Variants in UNC5C observed in about 807,000 individuals in gnomAD.
UNC5C encodes netrin receptor UNC5C.
Under a neutral mutation model 99.8 loss-of-function variants are expected in UNC5C, and 47 were observed. The ratio of observed to expected loss-of-function variants is 0.47; its 90% confidence interval spans 0.37 to 0.60. UNC5C has a LOEUF of 0.60. UNC5C is among the 20% of genes least tolerant of loss of function. The probability of loss-of-function intolerance (pLI) is 0.00; values close to 1 mark genes in which losing one functional copy is unlikely to be tolerated. For missense variants in UNC5C, 1,062 were observed against 1,165.9 expected, an observed-to-expected ratio of 0.91 and a Z score of 1.30; for synonymous variants, 487 against 452.2, an observed-to-expected ratio of 1.08 and a Z score of -0.98.
intron 11 of UNC5C, among the ~76,000 whole-genome samples, chr4:95,206,157 C>T (rs553828135): frequency 1.7e-4 from 26 of 151,952 alleles, no homozygotes; most frequent in Admixed American, 1.4e-3. Flanking sequence ...CATGCCACTG[C>T]GCCCGGCTAA....
chr4:95,265,680 T>C (rs528568349), intron 4 of UNC5C, among the ~76,000 whole-genome samples: 4 of 152,326 alleles, frequency 2.6e-5, no homozygotes, highest in African/African-American at 7.2e-5. Context: ...ATTTGTGTCA[T>C]TATAATGAAC....
intron 1 of UNC5C, among the ~76,000 whole-genome samples, chr4:95,539,666 C>T (rs1329664028): frequency 3.3e-5 from 5 of 152,142 alleles, no homozygotes; most frequent in African/African-American, 1.2e-4. Flanking sequence ...CACTCACATA[C>T]AATTTGTGTA....
chr4:95,528,253 A>C (rs1722547019), intron 1 of UNC5C, among the ~76,000 whole-genome samples: 1 of 152,122 alleles, frequency 6.6e-6, no homozygotes, highest in African/African-American at 2.4e-5. Context: ...AACTTACCTG[A>C]AGAATTCTAG....
At chr4:95,238,710 C>T (rs1237767104) in intron 7 of UNC5C, among the ~76,000 whole-genome samples, 2 of 152,008 alleles carry the variant, frequency 1.3e-5, no homozygotes, top group Non-Finnish European at 2.9e-5. Context: ...TAGTTTTATT[C>T]TCTCTTTTAC....
intron 3 of UNC5C, among the ~76,000 whole-genome samples, chr4:95,297,243 T>C (rs1741698110): frequency 6.6e-6 from 1 of 152,174 alleles, no homozygotes; most frequent in Non-Finnish European, 1.5e-5. Flanking sequence ...CCTGATATCC[T>C]AGTACCCTTA....
chr4:95,400,769 G>T (rs183256461), intron 1 of UNC5C, among the ~76,000 whole-genome samples: 1 of 152,328 alleles, frequency 6.6e-6, no homozygotes, highest in Middle Eastern at 3.4e-3. Context: ...TCCACCCTGG[G>T]TTGAGCCTCG....
At chr4:95,338,479 A>G (rs1042130214) in intron 1 of UNC5C, among the ~76,000 whole-genome samples, 3 of 152,040 alleles carry the variant, frequency 2.0e-5, no homozygotes, top group Non-Finnish European at 4.4e-5. Flanking sequence ...TACAAATACT[A>G]TTTATCCTAC....
chr4:95,512,875 A>G (rs1373125957), intron 1 of UNC5C, among the ~76,000 whole-genome samples: 2 of 152,212 alleles, frequency 1.3e-5, no homozygotes, highest in Non-Finnish European at 2.9e-5. Flanking sequence ...GAAAATTATT[A>G]ATCAGAAGTA....
rs754880404 is a variant in UNC5C, at chr4:95,216,156, C to G, written c.1701G>C (p.Met567Ile). 40 of 1,613,772 alleles carry G rather than the reference C, an allele frequency of 2.5e-5. 1 individual carries two copies. In the South Asian group the frequency reaches 4.4e-4, roughly 18 times the overall value. Residue 567 changes from methionine to isoleucine, a missense_variant, in exon 10 of 16, where the codon ATG (methionine) becomes ATC (isoleucine). Physicochemically the swap from Met to Ile is conservative, Grantham distance 10 (BLOSUM62 1). This residue lies in a region of UNC5C where 810 missense variants were observed against 854.5 expected (regional missense o/e 0.95). Coordinates refer to ENST00000453304, the MANE Select transcript of UNC5C (RefSeq NM_003728.4). ...TTTCTTTCCTGTGTACAGTCACATA[C>G]ATTTCGTAGACTCTCCCTTGGGGAA... ...GAIPQGRVYEMYVTVHRKETM... is the reference protein window; with the variant it reads ...GAIPQGRVYEIYVTVHRKETM...
chr4:95,539,751 C>T (rs1265996855), intron 1 of UNC5C, among the ~76,000 whole-genome samples: 1 of 151,996 alleles, frequency 6.6e-6, no homozygotes, highest in South Asian at 2.1e-4. Context: ...CGTTAAGAAT[C>T]GGCCTGGAAA....
chr4:95,204,163 A>G (rs951302249), intron 11 of UNC5C, among the ~76,000 whole-genome samples: 1 of 152,270 alleles, frequency 6.6e-6, no homozygotes, highest in Non-Finnish European at 1.5e-5. Flanking sequence ...ATGTGTCATT[A>G]AACAGTCTAC....
chr4:95,189,172 T>A (rs1736963841), intron 12 of UNC5C, among the ~76,000 whole-genome samples: 1 of 152,208 alleles, frequency 6.6e-6, no homozygotes, highest in Admixed American at 6.5e-5. Context: ...TACTGGGAGT[T>A]CCCCCACCTC....
chr4:95,257,152 A>G (rs1446531128), intron 4 of UNC5C, among the ~76,000 whole-genome samples: 1 of 151,906 alleles, frequency 6.6e-6, no homozygotes, highest in African/African-American at 2.4e-5. Context: ...CTCATCTCAA[A>G]CCCTCCTAAT....
At chr4:95,524,294 G>T (rs1722441044) in intron 1 of UNC5C, among the ~76,000 whole-genome samples, 1 of 152,166 alleles carries the variant, frequency 6.6e-6, no homozygotes, top group African/African-American at 2.4e-5. Flanking sequence ...GAGCCTCAGT[G>T]CCTCATCTTC....
intron 10 of UNC5C, among the ~76,000 whole-genome samples, chr4:95,209,138 G>A (rs1466209156): frequency 6.6e-6 from 1 of 152,158 alleles, no homozygotes; most frequent in Non-Finnish European, 1.5e-5. Flanking sequence ...CATTGAGTGT[G>A]TAGACTTCAT....
At chr4:95,350,050 A>T (rs1016850568) in intron 1 of UNC5C, among the ~76,000 whole-genome samples, 95 of 152,294 alleles carry the variant, frequency 6.2e-4, no homozygotes, top group African/African-American at 2.1e-3. Context: ...TTATGATAGA[A>T]ATTGGTCTAT....
At chr4:95,514,949 G>A (rs575926120) in intron 1 of UNC5C, among the ~76,000 whole-genome samples, 1 of 152,168 alleles carries the variant, frequency 6.6e-6, no homozygotes, top group African/African-American at 2.4e-5. Context: ...TGGGATTACA[G>A]CCATGAGCCA....
chr4:95,204,550 G>A (rs1417387282), intron 11 of UNC5C, among the ~76,000 whole-genome samples: 1 of 152,242 alleles, frequency 6.6e-6, no homozygotes, highest in East Asian at 1.9e-4. Context: ...AGACAGGCTG[G>A]AAGTTCAGAT....
At chr4:95,224,922 A>G (rs1738622616) in intron 7 of UNC5C, among the ~76,000 whole-genome samples, 1 of 152,068 alleles carries the variant, frequency 6.6e-6, no homozygotes, top group Admixed American at 6.6e-5. Flanking sequence ...CCAAGTTAAG[A>G]TCAGGAGGCA....
Sources: gnomAD v4.1 joint callset for allele counts (sites outside exome capture counted in the v4.1 genomes callset) on GRCh38, gnomAD v4.1.1 for gene constraint, gnomAD v4.1.1 regional missense constraint, MANE v1.5 for transcripts, NCBI Gene and HGNC (gene_info 2026-07-23, HGNC 2026-07-21) for gene names.